Variants in IQCE observed in about 807,000 individuals in gnomAD.
IQCE encodes the protein IQ motif containing E.
Under a neutral mutation model 96.0 loss-of-function variants are expected in IQCE, and 115 were observed. That is an observed-to-expected ratio of 1.20 (90% CI 1.03 to 1.40). The LOEUF (loss-of-function observed/expected upper bound fraction) is 1.40, where lower values mean the gene tolerates loss of function less well. Among genes scored for constraint, IQCE ranks in the 40% most tolerant of loss-of-function variants. The pLI is 0.00. For missense variants in IQCE, 1,041 were observed against 909.1 expected (o/e 1.15, Z -1.87); for synonymous variants, 412 against 371.2 (o/e 1.11, Z -1.26).
intron 2 of IQCE, among the ~76,000 whole-genome samples, chr7:2,567,923 G>C (rs1781499227): frequency 1.3e-5 from 2 of 152,192 alleles, no homozygotes; most frequent in African/African-American, 2.4e-5. Flanking sequence ...CCCGGAGGAG[G>C]AGGGATCCAA....
intron 1 of IQCE, among the ~76,000 whole-genome samples, chr7:2,565,646 A>G (rs1429429552): frequency 3.3e-5 from 5 of 152,008 alleles, no homozygotes; most frequent in Non-Finnish European, 7.4e-5. Context: ...GGCTTTTCTG[A>G]TCCCCCGCTA....
intron 12 of IQCE, 107 bp from the exon 13 acceptor site, chr7:2,587,715 A>G (rs2128456144): frequency 1.8e-6 from 2 of 1,129,250 alleles, no homozygotes; most frequent in Admixed American, 1.7e-5. Flanking sequence ...GCAGCCCCGC[A>G]GGCTGCTCCG....
intron 12 of IQCE, 110 bp from the exon 13 acceptor site, chr7:2,587,712 C>T (rs927085996): frequency 5.6e-5 from 62 of 1,111,262 alleles, no homozygotes; most frequent in East Asian, 2.1e-4. Context: ...TCTGCAGCCC[C>T]GCAGGCTGCT....
intron 9 of IQCE, 48 bp from the exon 10 acceptor site, chr7:2,583,589 C>G: frequency 2.1e-6 from 3 of 1,437,422 alleles, no homozygotes; most frequent in Non-Finnish European, 2.9e-6. Flanking sequence ...TGCTCTGTCC[C>G]CTGGGAACGC....
At chr7:2,577,905 C>T (rs1464444533) in intron 6 of IQCE, among the ~76,000 whole-genome samples, 2 of 118,336 alleles carry the variant, frequency 1.7e-5, no homozygotes, top group Non-Finnish European at 3.4e-5. Context: ...GTGTCGTGTG[C>T]GTGGCTGTGC....
rs78905822 is a variant in IQCE at position 2,562,133 on chromosome 7, A to G, written c.36+2916A>G. Among the ~76,000 whole-genome samples the G allele has an allele frequency of 5.1e-3, 781 of 152,152 alleles. 6 individuals carry two copies. The highest frequency in any genetic ancestry group is 0.018 in the African/African-American group (736 of 41,444). ...AGATTTTGTCAAACATACCTTCTGT[A>G]TCTTTTGAGAAAATCATATGTTTCT... On this transcript the variant is annotated intron_variant, in intron 1 of 21. Transcript: ENST00000402050.
chr7:2,569,097 A>G, intron 3 of IQCE, 98 bp downstream of exon 3: 1 of 1,168,618 alleles, frequency 8.6e-7, no homozygotes, highest in Non-Finnish European at 1.3e-6. Flanking sequence ...GGTAGCTGAG[A>G]CCTGACGCCT....
At chr7:2,603,157 C>G (rs1001339803) in intron 18 of IQCE, among the ~76,000 whole-genome samples, 1 of 152,206 alleles carries the variant, frequency 6.6e-6, no homozygotes, top group African/African-American at 2.4e-5. Context: ...CAGCAGCCCT[C>G]AGGCCCTCAT....
chr7:2,565,646 A>C (rs1429429552), intron 1 of IQCE, among the ~76,000 whole-genome samples: 3 of 152,008 alleles, frequency 2.0e-5, no homozygotes, highest in African/African-American at 7.3e-5. Flanking sequence ...GGCTTTTCTG[A>C]TCCCCCGCTA....
chr7:2,581,856 C>A (rs1014250567), intron 8 of IQCE, among the ~76,000 whole-genome samples: 1 of 151,952 alleles, frequency 6.6e-6, no homozygotes, highest in Non-Finnish European at 1.5e-5. Flanking sequence ...ACTACAGGCG[C>A]CCGCCACCGC....
At chr7:2,591,991 CA>C (rs1783630654) in intron 14 of IQCE, among the ~76,000 whole-genome samples, 1 of 125,738 alleles carries the variant, frequency 8.0e-6, no homozygotes, top group Non-Finnish European at 1.7e-5. Context: ...CTCGGCCTCC[CA>C]AAGTGCTGGG....
intron 20 of IQCE, among the ~76,000 whole-genome samples, chr7:2,606,728 G>C (rs11772569): frequency 0.099 from 15,123 of 152,252 alleles, 1,043 homozygotes; most frequent in Non-Finnish European, 0.14. Flanking sequence ...GTGGGCTCAG[G>C]AGTCAGGGAC....
In IQCE at chr7:2,604,861, C is replaced by A. The variant is rs573590474; in HGVS notation, c.1633-20C>A. 5 of 1,601,336 alleles carry A rather than the reference C, an allele frequency of 3.1e-6. No individual in the cohort carries two copies. In the Middle Eastern group the frequency reaches 8.3e-4, roughly 265 times the overall value. On this transcript the variant is annotated intron_variant, in intron 18 of 21. Coordinates refer to ENST00000402050, the MANE Select transcript of IQCE (RefSeq NM_152558.5). ...GGGCACTCACACCCACTTTTCTCTC[C>A]CTGCTTCCTTCCCTGACAGGCGGCT...
intron 4 of IQCE, 118 bp downstream of exon 4, chr7:2,571,772 T>C (rs891102946): frequency 7.8e-6 from 9 of 1,155,654 alleles, no homozygotes; most frequent in Non-Finnish European, 1.1e-5. Context: ...TGTCTTTAGT[T>C]TTCTCGAAGA....
Position 2,613,880 on chromosome 7 carries a change from T to G in IQCE, c.*3718T>G, listed in dbSNP as rs867951496. On this transcript the variant is annotated 3_prime_UTR_variant, in exon 22 of 22. Coordinates refer to ENST00000402050, the MANE Select transcript of IQCE (RefSeq NM_152558.5). ...ACCGTTCCCGCAGGCCTGGGGTGAGTGACCTGACTGAGACTAGCGGGCAGA... is the reference window on the plus strand; with the variant it reads ...ACCGTTCCCGCAGGCCTGGGGTGAGGGACCTGACTGAGACTAGCGGGCAGA... 17 of 150,248 alleles carry G rather than the reference T, an allele frequency of 1.1e-4. No homozygotes were observed. The highest frequency in any genetic ancestry group is 3.2e-4 in the African/African-American group (13 of 40,700). The allele number at this position is 150,248 out of a possible 1,614,324, so 9.3% of individuals were successfully genotyped here.
At chr7:2,604,061 TCA>T (rs1434414542) in intron 18 of IQCE, among the ~76,000 whole-genome samples, 1 of 150,700 alleles carries the variant, frequency 6.6e-6, no homozygotes, top group Non-Finnish European at 1.5e-5. Flanking sequence ...CAATCTTGGC[TCA>T]CTGCAACCTC....
intron 4 of IQCE, 126 bp from the exon 5 acceptor site, chr7:2,572,066 C>T (rs930235237): frequency 6.9e-6 from 7 of 1,010,100 alleles, no homozygotes; most frequent in African/African-American, 1.6e-5. Context: ...TTTACCAGCA[C>T]GACACTGACG....
rs748680184 is a variant in IQCE at position 2,607,123 on chromosome 7, G to C, written c.1866-1G>C. 5.0e-6 allele frequency: 8 copies of C among 1,593,170 alleles called. No individual in the cohort carries two copies. Among genetic ancestry groups the C allele is most frequent in the Non-Finnish European group, 6.8e-6 (8 of 1,171,414 alleles). ...AGCTGGCGTTTTCTGTTTTTTTCCA[G>C]TGCTACCGGTAAAAGAACCACCACC... On this transcript the variant is annotated splice_acceptor_variant, in intron 20 of 21. Transcript: ENST00000402050. LOFTEE classifies it high-confidence loss of function.
chr7:2,597,182 T>C (rs1784106008), intron 16 of IQCE: 1 of 463,994 alleles, frequency 2.2e-6, no homozygotes, highest in Non-Finnish European at 4.5e-6. Context: ...CTTGAAGAAT[T>C]TCAGCAGGAT....
Sources: allele counts gnomAD v4.1 joint callset (sites outside exome capture counted in the v4.1 genomes callset), GRCh38; gene constraint gnomAD v4.1.1; transcripts MANE v1.5; gene names NCBI Gene and HGNC (gene_info 2026-07-23, HGNC 2026-07-21).